ATG10: variants seen among roughly 807,000 people sequenced by gnomAD.
ATG10 encodes the protein autophagy related 10, also known as ubiquitin-like-conjugating enzyme ATG10.
A neutral mutation model predicts 32.1 loss-of-function variants in ATG10; 30 were observed. The ratio of observed to expected loss-of-function variants is 0.94; its 90% CI spans 0.70 to 1.27. The LOEUF is 1.27. ATG10 is among the 50% of genes most tolerant of loss of function. The pLI is 0.00. For missense variants in ATG10, 233 were observed against 262.3 expected (o/e 0.89, Z 0.77); for synonymous variants, 87 against 91.5 (o/e 0.95, Z 0.28).
At chr5:82,090,807 ATTAT>A (rs2149792658) in intron 3 of ATG10, among the ~76,000 whole-genome samples, 1 of 152,306 alleles carries the variant, frequency 6.6e-6, no homozygotes, top group African/African-American at 2.4e-5. Context: ...ATCTTTATGT[ATTAT>A]TTCTTACAAC....
intron 2 of ATG10, among the ~76,000 whole-genome samples, chr5:81,993,374 T>TTTCTTTCTTTCCTTCTTTC (rs776175236): frequency 1.5e-4 from 6 of 39,852 alleles, no homozygotes; most frequent in African/African-American, 7.7e-4. Flanking sequence ...TTTTCTTTTC[T>TTTCTTTCTTTCCTTCTTTC]TTTCTTTTCT....
At position 82,092,001 on chromosome 5, in the gene ATG10, T is replaced by C. The variant is rs368904608; in HGVS notation, c.216+33399T>C. Among the ~76,000 whole-genome samples, 28 of 152,308 alleles carry C rather than the reference T, an allele frequency of 1.8e-4. No homozygotes were observed. In the East Asian group the frequency reaches 5.0e-3, roughly 27 times the overall value. On this transcript the variant is annotated intron_variant, in intron 3 of 7. Transcript: ENST00000282185. ...TGTTTCTGATTTTCTTCTTGAAACA[T>C]AGAAGAATATTTATAATAAAGTATG...
chr5:82,170,800 T>G (rs1356197080), intron 4 of ATG10, among the ~76,000 whole-genome samples: 1 of 151,390 alleles, frequency 6.6e-6, no homozygotes, highest in Non-Finnish European at 1.5e-5. Context: ...CAAAAAAAAA[T>G]AGCTAGGCAT....
intron 2 of ATG10, among the ~76,000 whole-genome samples, chr5:81,989,208 G>A (rs145703531): frequency 6.6e-6 from 1 of 152,164 alleles, no homozygotes; most frequent in African/African-American, 2.4e-5. Context: ...CATTTTACCC[G>A]GTTCCCGAAA....
intron 2 of ATG10, among the ~76,000 whole-genome samples, chr5:82,011,242 C>T (rs145114125): frequency 1.2e-3 from 180 of 152,216 alleles, no homozygotes; most frequent in African/African-American, 4.2e-3. Flanking sequence ...CGACTCAGGC[C>T]ATGACCCTGA....
At position 82,255,578 on chromosome 5, in the gene ATG10, G is replaced by C. The variant is rs542358329; in HGVS notation, c.*1515G>C. The C allele has an allele frequency of 8.5e-5, 13 of 152,318 alleles. No homozygotes were observed. In the South Asian group the frequency reaches 2.7e-3, roughly 32 times the overall value. The allele number at this position is 152,318 out of a possible 1,614,324, so 9.4% of individuals were successfully genotyped here. A position where few individuals can be genotyped will look rare whatever the true frequency, so the allele number is the denominator to read the frequency against. On this transcript the variant is annotated 3_prime_UTR_variant, in exon 8 of 8. Transcript: ENST00000282185. ...TGGGGCCACCTGACACAGTCTCTCT[G>C]GGGGTGATTCTGCTCTGGAGAACCT...
At chr5:82,100,180 T>C (rs1157116580) in intron 3 of ATG10, among the ~76,000 whole-genome samples, 1 of 151,838 alleles carries the variant, frequency 6.6e-6, no homozygotes, top group East Asian at 1.9e-4. Context: ...AGCTAATTTT[T>C]GTATTTTTAG....
chr5:82,049,933 C>T (rs1310694862), intron 2 of ATG10, among the ~76,000 whole-genome samples: 2 of 151,814 alleles, frequency 1.3e-5, no homozygotes, highest in Admixed American at 1.3e-4. Context: ...TATTTTATTT[C>T]TACAAGAAAA....
intron 2 of ATG10, among the ~76,000 whole-genome samples, chr5:82,037,058 G>C (rs1471008214): frequency 7.1e-6 from 1 of 140,642 alleles, no homozygotes; most frequent in Non-Finnish European, 1.5e-5. Flanking sequence ...TTGAACCAGG[G>C]AGTCGGAGGT....
intron 2 of ATG10, among the ~76,000 whole-genome samples, chr5:82,043,115 A>G (rs1212898918): frequency 6.6e-6 from 1 of 152,246 alleles, no homozygotes; most frequent in Non-Finnish European, 1.5e-5. Flanking sequence ...CTGGACATAT[A>G]GGCATTTCCA....
intron 3 of ATG10, among the ~76,000 whole-genome samples, chr5:82,144,279 G>A (rs1169535136): frequency 7.0e-6 from 1 of 141,960 alleles, no homozygotes; most frequent in Non-Finnish European, 1.5e-5. Context: ...AATCAGTTTT[G>A]GTTTTCTTAT....
intron 5 of ATG10, among the ~76,000 whole-genome samples, chr5:82,251,771 A>C (rs1279307827): frequency 1.3e-5 from 2 of 152,200 alleles, no homozygotes; most frequent in African/African-American, 4.8e-5. Context: ...TACCCACTAC[A>C]TAGAAACCTC....
At chr5:82,148,365 G>T (rs535498113) in intron 3 of ATG10, among the ~76,000 whole-genome samples, 1 of 151,984 alleles carries the variant, frequency 6.6e-6, no homozygotes, top group Non-Finnish European at 1.5e-5. Flanking sequence ...CTGGAATTGC[G>T]TCACTGTAGA....
chr5:82,057,903 C>A (rs1009298654), intron 2 of ATG10, among the ~76,000 whole-genome samples: 1 of 152,052 alleles, frequency 6.6e-6, no homozygotes, highest in Admixed American at 6.6e-5. Flanking sequence ...GAGGGCAGAA[C>A]TAAGTAAGTT....
intron 4 of ATG10, among the ~76,000 whole-genome samples, chr5:82,171,198 C>G (rs1253279125): frequency 6.6e-6 from 1 of 152,126 alleles, no homozygotes; most frequent in African/African-American, 2.4e-5. Flanking sequence ...ACATCACTTG[C>G]GTTATTCCAT....
intron 5 of ATG10, among the ~76,000 whole-genome samples, chr5:82,245,235 CT>C (rs1484474568): frequency 6.6e-6 from 1 of 152,212 alleles, no homozygotes; most frequent in Non-Finnish European, 1.5e-5. Context: ...CTAATGACTG[CT>C]TTCATCTTTG....
chr5:82,049,581 C>A (rs777708329), intron 2 of ATG10, among the ~76,000 whole-genome samples: 5 of 151,678 alleles, frequency 3.3e-5, no homozygotes, highest in Non-Finnish European at 7.4e-5. Flanking sequence ...AGAAAACTAA[C>A]TTCTTATACA....
At chr5:81,992,736 T>A (rs987540501) in intron 2 of ATG10, among the ~76,000 whole-genome samples, 2 of 152,188 alleles carry the variant, frequency 1.3e-5, no homozygotes, top group African/African-American at 4.8e-5. Context: ...AACAGAATCC[T>A]GACAATATTT....
intron 5 of ATG10, among the ~76,000 whole-genome samples, chr5:82,206,415 A>G (rs1745299672): frequency 6.6e-6 from 1 of 152,110 alleles, no homozygotes; most frequent in African/African-American, 2.4e-5. Context: ...TGGGAGGCTG[A>G]GGCGGGCGGA....
Sources: gnomAD v4.1 joint callset for allele counts (sites outside exome capture counted in the v4.1 genomes callset) on GRCh38, gnomAD v4.1.1 for gene constraint, MANE v1.5 for transcripts, NCBI Gene and HGNC (gene_info 2026-07-23, HGNC 2026-07-21) for gene names.